The following PALLD variants were observed in gnomAD, a reference collection of about 807,000 sequenced individuals.
PALLD encodes the protein palladin.
In PALLD, 61 loss-of-function variants were observed where a neutral mutation model predicts 123.5. That is an observed-to-expected ratio of 0.49 (90% CI 0.40 to 0.61). PALLD has a LOEUF of 0.61. Ranked by LOEUF, PALLD falls within the 20% of genes least tolerant of loss-of-function variation. PALLD has a pLI of 0.00. For missense variants in PALLD, 1,273 were observed against 1,377.0 expected (o/e 0.92, Z 1.20); for synonymous variants, 465 against 496.4 (o/e 0.94, Z 0.84).
At chr4:168,893,751 C>T (rs1288920291) in intron 11 of PALLD, among the ~76,000 whole-genome samples, 1 of 152,196 alleles carries the variant, frequency 6.6e-6, no homozygotes, top group African/African-American at 2.4e-5. Flanking sequence ...AAAATGCCGG[C>T]ATTTCTTATG....
intron 10 of PALLD, among the ~76,000 whole-genome samples, chr4:168,825,535 G>C (rs1273227997): frequency 1.3e-5 from 2 of 152,216 alleles, no homozygotes; most frequent in African/African-American, 4.8e-5. Flanking sequence ...TCAAGTTTAA[G>C]ATGTGAAGTG....
At chr4:168,797,817 A>G (rs1272980278) in intron 10 of PALLD, among the ~76,000 whole-genome samples, 3 of 151,936 alleles carry the variant, frequency 2.0e-5, no homozygotes, top group Non-Finnish European at 4.4e-5. Context: ...TCCCTCTTCT[A>G]CCACCTCAAC....
chr4:168,726,328 G>C (rs1184109484), intron 10 of PALLD, among the ~76,000 whole-genome samples: 1 of 152,100 alleles, frequency 6.6e-6, no homozygotes, highest in Non-Finnish European at 1.5e-5. Flanking sequence ...TTTTCATCAA[G>C]GTATCAACTA....
intron 10 of PALLD, among the ~76,000 whole-genome samples, chr4:168,811,776 T>TCACACACACACACACACACA (rs58914714): frequency 1.4e-5 from 2 of 143,636 alleles, no homozygotes; most frequent in Admixed American, 6.9e-5. Context: ...TCTCTCTCTC[T>TCACACACACACACACACACA]CACACACACA....
At chr4:168,499,729 T>C (rs1242109117) in intron 1 of PALLD, among the ~76,000 whole-genome samples, 2 of 152,154 alleles carry the variant, frequency 1.3e-5, no homozygotes, top group African/African-American at 4.8e-5. Context: ...TTTTCATATA[T>C]TTATTCCTAT....
chr4:168,807,276 C>T (rs546865845), intron 10 of PALLD, among the ~76,000 whole-genome samples: 6 of 150,122 alleles, frequency 4.0e-5, no homozygotes, highest in South Asian at 2.1e-4. Flanking sequence ...CACACACACA[C>T]GCACACACAC....
intron 10 of PALLD, among the ~76,000 whole-genome samples, chr4:168,803,148 G>T (rs1561540493): frequency 6.6e-6 from 1 of 152,202 alleles, no homozygotes; most frequent in Non-Finnish European, 1.5e-5. Context: ...TTATGAAGAA[G>T]AGAGGTTTAA....
At chr4:168,919,780 A>G (rs758838342) in intron 17 of PALLD, among the ~76,000 whole-genome samples, 5 of 152,026 alleles carry the variant, frequency 3.3e-5, no homozygotes, top group Non-Finnish European at 7.3e-5. Flanking sequence ...AAGCATCACT[A>G]TTTTCATGTG....
intron 10 of PALLD, among the ~76,000 whole-genome samples, chr4:168,815,562 A>G (rs1581613963): frequency 6.6e-6 from 1 of 152,178 alleles, no homozygotes; most frequent in African/African-American, 2.4e-5. Flanking sequence ...ATTGGTCACC[A>G]TGGTGAACAC....
intron 17 of PALLD, among the ~76,000 whole-genome samples, chr4:168,919,374 A>C (rs575028278): frequency 6.6e-6 from 1 of 152,228 alleles, no homozygotes; most frequent in South Asian, 2.1e-4. Flanking sequence ...AATACAAAAA[A>C]ATCAGCCAGG....
intron 2 of PALLD, among the ~76,000 whole-genome samples, chr4:168,644,203 C>T (rs1216835179): frequency 6.6e-6 from 1 of 151,662 alleles, no homozygotes; most frequent in African/African-American, 2.4e-5. Flanking sequence ...ATTCTGTTGC[C>T]TCAGCCTCCC....
chr4:168,643,206 A>G (rs757255682), intron 2 of PALLD, among the ~76,000 whole-genome samples: 1 of 152,244 alleles, frequency 6.6e-6, no homozygotes, highest in Non-Finnish European at 1.5e-5. Flanking sequence ...CTGAAAGGGA[A>G]AAGCAGTCTG....
intron 2 of PALLD, among the ~76,000 whole-genome samples, chr4:168,577,078 C>A (rs576513795): frequency 9.2e-5 from 14 of 151,946 alleles, no homozygotes; most frequent in Non-Finnish European, 1.9e-4. Flanking sequence ...CCGGCAGGCT[C>A]GAAGACTCCA....
chr4:168,744,057 C>T lies in PALLD; in HGVS notation c.1964+32134C>T, dbSNP rs114773809. Among the ~76,000 whole-genome samples the T allele has an allele frequency of 4.3e-3, 655 of 152,224 alleles. 1 individual carries two copies. Among genetic ancestry groups the T allele is most frequent in the African/African-American group, 0.015 (608 of 41,540 alleles). ...CCCTGGAAAAGGGGTCGGGGGAGAGCAAACAGATGCTAGAAGCCAGTAAAG... is the reference window on the plus strand; with the variant it reads ...CCCTGGAAAAGGGGTCGGGGGAGAGTAAACAGATGCTAGAAGCCAGTAAAG... On this transcript the variant is annotated intron_variant, in intron 10 of 21. Coordinates refer to ENST00000505667, the MANE Select transcript of PALLD (RefSeq NM_001166108.2).
chr4:168,660,340 G>A (rs1779008147), intron 2 of PALLD, among the ~76,000 whole-genome samples: 1 of 152,182 alleles, frequency 6.6e-6, no homozygotes, highest in Non-Finnish European at 1.5e-5. Flanking sequence ...ACTGTGGACA[G>A]ATGCAGCCAC....
At chr4:168,668,547 A>G (rs181189520) in intron 3 of PALLD, among the ~76,000 whole-genome samples, 179 bp downstream of exon 3, 1 of 152,248 alleles carries the variant, frequency 6.6e-6, no homozygotes, top group Non-Finnish European at 1.5e-5. Flanking sequence ...GCACCCATCA[A>G]CTATCTCTGA....
chr4:168,668,541 C>G (rs894748686), intron 3 of PALLD, among the ~76,000 whole-genome samples, 173 bp downstream of exon 3: 2 of 152,112 alleles, frequency 1.3e-5, no homozygotes, highest in Non-Finnish European at 2.9e-5. Context: ...ATTTAGGCAC[C>G]CATCAACTAT....
chr4:168,696,282 C>G (rs984708314), intron 8 of PALLD, among the ~76,000 whole-genome samples: 1 of 152,086 alleles, frequency 6.6e-6, no homozygotes, highest in African/African-American at 2.4e-5. Context: ...TTCCAGCCTG[C>G]TGGCCTATGA....
chr4:168,905,492 G>T (rs537823944), intron 15 of PALLD, among the ~76,000 whole-genome samples: 70 of 151,714 alleles, frequency 4.6e-4, no homozygotes, highest in African/African-American at 1.6e-3. Context: ...GTTTATTCAA[G>T]GTTTATTATA....
Sources: allele counts gnomAD v4.1 joint callset (sites outside exome capture counted in the v4.1 genomes callset), GRCh38; gene constraint gnomAD v4.1.1; transcripts MANE v1.5; gene names NCBI Gene and HGNC (gene_info 2026-07-23, HGNC 2026-07-21).